Variants in COL21A1 observed in about 807,000 individuals in gnomAD.
The protein encoded by COL21A1 is collagen alpha-1(XXI) chain.
COL21A1 carries 149 observed loss-of-function variants against 137.9 expected under a neutral mutation model. That is an observed-to-expected ratio of 1.08 (90% CI 0.95 to 1.24). The LOEUF (loss-of-function observed/expected upper bound fraction) is 1.24. Among genes scored for constraint, COL21A1 ranks in the 50% most tolerant of loss-of-function variants. The pLI is 0.00. For synonymous variants in COL21A1, 456 were observed against 391.5 expected (o/e 1.16, Z -1.95); for missense variants, 1,167 against 1,158.4 (o/e 1.01, Z -0.11).
intron 1 of COL21A1, among the ~76,000 whole-genome samples, chr6:56,206,424 G>A (rs1779785661): frequency 6.6e-6 from 1 of 151,702 alleles, no homozygotes. Flanking sequence ...AGGGCTCAAT[G>A]CAATAAGAAG....
chr6:56,315,611 C>A (rs1352193689), intron 1 of COL21A1, among the ~76,000 whole-genome samples: 4 of 151,920 alleles, frequency 2.6e-5, no homozygotes, highest in African/African-American at 9.7e-5. Flanking sequence ...TCCTTTGAGA[C>A]TTTTCTCTCC....
intron 1 of COL21A1, among the ~76,000 whole-genome samples, chr6:56,332,430 A>G (rs1765248204): frequency 6.6e-6 from 1 of 151,962 alleles, no homozygotes; most frequent in African/African-American, 2.4e-5. Flanking sequence ...GTGCGTTCAA[A>G]AAATCATTTA....
At chr6:56,226,599 C>G (rs1338189897) in intron 1 of COL21A1, among the ~76,000 whole-genome samples, 1 of 151,966 alleles carries the variant, frequency 6.6e-6, no homozygotes, top group Non-Finnish European at 1.5e-5. Flanking sequence ...GAGGCCAAAG[C>G]TAACTGGCAA....
At chr6:56,238,025 TACAC>T (rs148492316) in intron 1 of COL21A1, among the ~76,000 whole-genome samples, 2,743 of 152,254 alleles carry the variant, frequency 0.018, 86 homozygotes, top group African/African-American at 0.063. Flanking sequence ...GTACATTACA[TACAC>T]AGACTTCACC....
At chr6:56,200,705 G>A (rs1339387959) in intron 1 of COL21A1, among the ~76,000 whole-genome samples, 1 of 151,914 alleles carries the variant, frequency 6.6e-6, no homozygotes, top group Non-Finnish European at 1.5e-5. Context: ...GTATATCATT[G>A]TTGGACATAT....
intron 17 of COL21A1, among the ~76,000 whole-genome samples, chr6:56,097,792 T>C (rs1769509527): frequency 8.6e-6 from 1 of 116,684 alleles, no homozygotes; most frequent in Non-Finnish European, 1.7e-5. Context: ...TAAAAATATA[T>C]ATATAAATCT....
Position 56,095,332 on chromosome 6 carries a change from T to C in COL21A1, c.1812+6140A>G, listed in dbSNP as rs75665869. Among the ~76,000 whole-genome samples, 1,247 of 152,268 alleles carry C rather than the reference T, an allele frequency of 8.2e-3. 19 individuals carry two copies. The highest frequency in any genetic ancestry group is 0.029 in the African/African-American group (1,202 of 41,550). On this transcript the variant is annotated intron_variant, in intron 17 of 29. Coordinates refer to ENST00000244728, the MANE Select transcript of COL21A1 (RefSeq NM_030820.4). Reference sequence around the variant, plus strand: ...AAGACTTTTGAAGAGTCATCTCTTATCTTACCCGCATCTAATGGATCCTCA... The same window carrying C: ...AAGACTTTTGAAGAGTCATCTCTTACCTTACCCGCATCTAATGGATCCTCA...
Position 56,182,605 on chromosome 6 carries a change from A to G in COL21A1, c.14T>C (p.Ile5Thr), listed in dbSNP as rs1358988410. 4.4e-6 allele frequency: 7 copies of G among 1,602,056 alleles called. No homozygotes were observed. The African/African-American group carries it at 9.4e-5, about 21-fold the overall frequency. The change falls in exon 2 of 30, where the codon ATT (isoleucine) becomes ACT (threonine). Residue 5 changes from isoleucine (I) to threonine (T), a missense_variant. Physicochemically the swap from Ile to Thr is moderately conservative, Grantham distance 89. Transcript: ENST00000244728. MAHY[I>T]TFLCMVLVLL... is the part of the protein sequence containing the mutation. The stretch of plus-strand genomic sequence containing the variant: ...CACCAAAACCATGCAGAGAAATGTA[A>G]TATAGTGAGCCATGTTTCTGTTTTC...
intron 1 of COL21A1, among the ~76,000 whole-genome samples, chr6:56,240,523 T>A (rs564924516): frequency 6.6e-6 from 1 of 152,188 alleles, no homozygotes. Context: ...TAGGAATAAA[T>A]AAACTCTACA....
intron 17 of COL21A1, among the ~76,000 whole-genome samples, chr6:56,084,856 A>G (rs990830486): frequency 1.3e-5 from 2 of 152,070 alleles, no homozygotes; most frequent in African/African-American, 2.4e-5. Context: ...AGAAATCAAT[A>G]CTGGGGAGAT....
In COL21A1 at chr6:56,060,926, C is replaced by G; in HGVS notation, c.2317G>C (p.Gly773Arg). Residue 773 changes from glycine to arginine, a missense_variant, in exon 26 of 30, where the codon GGT becomes CGT. Gly to Arg is a moderately radical substitution (Grantham distance 125). Transcript: ENST00000244728. ...AGPKGQPGDP[G>R]PQGPPGLDGK... ...TCCAAACCTGGGGGTCCCTGAGGACCTGGATCCCCAGGTTGCCCCTTAGGA... is the reference window on the plus strand; with the variant it reads ...TCCAAACCTGGGGGTCCCTGAGGACGTGGATCCCCAGGTTGCCCCTTAGGA... The G allele has an allele frequency of 6.3e-7, 1 of 1,580,422 alleles. No homozygotes were observed. Among genetic ancestry groups the G allele is most frequent in the Non-Finnish European group, 8.6e-7 (1 of 1,168,828 alleles).
At chr6:56,184,425 T>C (rs1384504542) in intron 1 of COL21A1, among the ~76,000 whole-genome samples, 1 of 107,482 alleles carries the variant, frequency 9.3e-6, no homozygotes, top group Non-Finnish European at 2.0e-5. Flanking sequence ...CTTCTAAATA[T>C]ATGAAACAAA....
At chr6:56,067,164 C>T in intron 23 of COL21A1, 131 bp downstream of exon 23, 1 of 755,356 alleles carries the variant, frequency 1.3e-6, no homozygotes, top group Non-Finnish European at 2.0e-6. Context: ...AGCTCAATAG[C>T]AAAAGGAGAA....
intron 1 of COL21A1, among the ~76,000 whole-genome samples, chr6:56,320,540 C>T (rs1287674853): frequency 2.0e-5 from 3 of 151,786 alleles, no homozygotes; most frequent in African/African-American, 4.8e-5. Context: ...CACACACACA[C>T]ACACACACCC....
chr6:56,206,697 A>AT (rs1561983771), intron 1 of COL21A1, among the ~76,000 whole-genome samples: 1,421 of 30,934 alleles, frequency 0.046, 18 homozygotes, highest in South Asian at 0.052. Context: ...TAAATAAATA[A>AT]ATATATATAT....
At position 56,281,038 on chromosome 6, in the gene COL21A1, A is replaced by G. The variant is rs147991189; in HGVS notation, c.-38-98382T>C. On this transcript the variant is annotated intron_variant, in intron 1 of 28. Coordinates refer to the COL21A1 transcript ENST00000370819. The stretch of plus-strand genomic sequence containing the variant: ...AAGATAAAAAAAGTAATTTACCCAA[A>G]TCTGCCTGACTATAAAGCCAGTGTC... 1.9e-3 allele frequency among the ~76,000 whole-genome samples: 283 copies of G among 152,162 alleles called. 1 individual carries two copies. Among genetic ancestry groups the G allele is most frequent in the African/African-American group, 6.7e-3 (278 of 41,526 alleles).
intron 1 of COL21A1, among the ~76,000 whole-genome samples, chr6:56,235,072 C>CATTTCCATTCA (rs1383490007): frequency 6.6e-6 from 1 of 151,790 alleles, no homozygotes; most frequent in Non-Finnish European, 1.5e-5. Flanking sequence ...ATTCATAGCT[C>CATTTCCATTCA]TAAGGCTTAT....
At chr6:56,129,699 T>TGTGTGAGACAGA (rs1450514214) in intron 12 of COL21A1, among the ~76,000 whole-genome samples, 4 of 120,440 alleles carry the variant, frequency 3.3e-5, no homozygotes, top group Non-Finnish European at 7.1e-5. Flanking sequence ...TGTGTGTGTG[T>TGTGTGAGACAGA]GAGAGAGAGA....
chr6:56,374,225 G>A (rs528734164), intron 1 of COL21A1, among the ~76,000 whole-genome samples: 19 of 152,216 alleles, frequency 1.2e-4, no homozygotes, highest in African/African-American at 2.2e-4. Flanking sequence ...AAGACCTTAC[G>A]GAATGGATGA....
Sources: allele counts gnomAD v4.1 joint callset (sites outside exome capture counted in the v4.1 genomes callset), GRCh38; gene constraint gnomAD v4.1.1; transcripts MANE v1.5; gene names NCBI Gene and HGNC (gene_info 2026-07-23, HGNC 2026-07-21).